ADAMTS17: variants seen among roughly 807,000 people sequenced by gnomAD.
ADAMTS17 encodes ADAM metallopeptidase with thrombospondin type 1 motif 17.
In ADAMTS17, 113 loss-of-function variants were observed where a neutral mutation model predicts 141.5. The ratio of observed to expected loss-of-function variants is 0.80; its 90% CI spans 0.69 to 0.93. The LOEUF is 0.93. Among genes scored for constraint, ADAMTS17 ranks in the 40% least tolerant of loss-of-function variants. The pLI is 0.00. For synonymous variants in ADAMTS17, 768 were observed against 630.6 expected (o/e 1.22, Z -3.27); for missense variants, 1,659 against 1,517.9 (o/e 1.09, Z -1.54).
chr15:99,985,823 G>C (rs975272219), intron 20 of ADAMTS17, among the ~76,000 whole-genome samples: 1 of 152,172 alleles, frequency 6.6e-6, no homozygotes, highest in Admixed American at 6.5e-5. Context: ...AAATTCTAAA[G>C]CAACGGCAAA....
At chr15:100,063,778 C>G in intron 15 of ADAMTS17, 17 of 1,287,976 alleles carry the variant, frequency 1.3e-5, no homozygotes, top group Non-Finnish European at 1.7e-5. Flanking sequence ...ACAAACGACA[C>G]AGAAGTAAAC....
At position 100,053,762 on chromosome 15, in the gene ADAMTS17, G is replaced by A; in HGVS notation, c.2295+135C>T. 3.1e-6 allele frequency: 4 copies of A among 1,280,814 alleles called. No individual in the cohort carries two copies. In the Admixed American group the frequency reaches 6.7e-5, roughly 22 times the overall value. The allele number at this position is 1,280,814 out of a possible 1,614,324, so 79.3% of individuals were successfully genotyped here. ...GAGAGGGGAGAGGACTGAGCAGCAG[G>A]GGACGGCATAAACCCCTGGAAGCCA... is the stretch of plus-strand genomic sequence containing the variant. On this transcript the variant is annotated intron_variant, in intron 16 of 21. Coordinates refer to ENST00000268070, the MANE Select transcript of ADAMTS17 (RefSeq NM_139057.4).
chr15:100,323,813 ATTTATGTGAAT>A (rs1179057881), intron 3 of ADAMTS17, among the ~76,000 whole-genome samples: 1 of 152,162 alleles, frequency 6.6e-6, no homozygotes. Context: ...GCATAAAATC[ATTTATGTGAAT>A]TTTAAAACAT....
chr15:100,205,197 G>A (rs545554065), intron 7 of ADAMTS17, among the ~76,000 whole-genome samples: 9 of 152,240 alleles, frequency 5.9e-5, no homozygotes, highest in African/African-American at 1.9e-4. Context: ...AGAATCACAC[G>A]AGTCCCCACA....
At chr15:100,302,713 G>A (rs2045084414) in intron 3 of ADAMTS17, among the ~76,000 whole-genome samples, 1 of 152,188 alleles carries the variant, frequency 6.6e-6, no homozygotes, top group Admixed American at 6.5e-5. Flanking sequence ...ATCTGCGATG[G>A]TTAATACTGA....
intron 8 of ADAMTS17, among the ~76,000 whole-genome samples, chr15:100,160,037 C>T (rs1017848350): frequency 7.0e-6 from 1 of 142,044 alleles, no homozygotes; most frequent in African/African-American, 2.5e-5. Flanking sequence ...ACTCAGAAAA[C>T]CCGTTTCTCC....
chr15:100,120,510 G>A (rs978162733), intron 12 of ADAMTS17, among the ~76,000 whole-genome samples: 2 of 152,202 alleles, frequency 1.3e-5, no homozygotes, highest in Non-Finnish European at 2.9e-5. Flanking sequence ...TCCACCAGGT[G>A]AAGTGGCTTC....
At chr15:100,019,630 AT>A (rs2061364123) in intron 18 of ADAMTS17, among the ~76,000 whole-genome samples, 1 of 152,224 alleles carries the variant, frequency 6.6e-6, no homozygotes, top group African/African-American at 2.4e-5. Context: ...CACGCCGTTC[AT>A]TTTTAAAAGT....
chr15:100,191,606 C>G (rs755236523), intron 8 of ADAMTS17, among the ~76,000 whole-genome samples: 14 of 152,250 alleles, frequency 9.2e-5, no homozygotes, highest in Admixed American at 2.0e-4. Flanking sequence ...AATGCAGTTT[C>G]TCTGCAACCC....
intron 20 of ADAMTS17, among the ~76,000 whole-genome samples, chr15:99,982,500 TGGGC>T (rs2060501292): frequency 6.6e-6 from 1 of 152,204 alleles, no homozygotes; most frequent in African/African-American, 2.4e-5. Flanking sequence ...TGGGCCATGG[TGGGC>T]GCACGGGGTG....
At chr15:100,264,772 G>A (rs1477420833) in intron 4 of ADAMTS17, among the ~76,000 whole-genome samples, 2 of 152,084 alleles carry the variant, frequency 1.3e-5, no homozygotes, top group African/African-American at 2.4e-5. Flanking sequence ...AAAGGTGAGA[G>A]ATGGAAGGGG....
At chr15:100,071,059 A>G (rs920359045) in intron 15 of ADAMTS17, among the ~76,000 whole-genome samples, 2 of 150,350 alleles carry the variant, frequency 1.3e-5, no homozygotes, top group African/African-American at 2.5e-5. Context: ...GATAAAGCAG[A>G]TATCACCACT....
At chr15:100,203,066 G>A (rs983516096) in intron 7 of ADAMTS17, among the ~76,000 whole-genome samples, 3 of 152,130 alleles carry the variant, frequency 2.0e-5, no homozygotes, top group Non-Finnish European at 2.9e-5. Context: ...TTTATTAGTC[G>A]TGCCTCTAAT....
chr15:99,986,080 G>A (rs971471788), intron 20 of ADAMTS17, among the ~76,000 whole-genome samples: 3 of 152,120 alleles, frequency 2.0e-5, no homozygotes, highest in Non-Finnish European at 4.4e-5. Flanking sequence ...CAGAAATGCC[G>A]GCTGAACTGA....
At chr15:100,021,993 G>T (rs1052059400) in intron 18 of ADAMTS17, among the ~76,000 whole-genome samples, 15 of 152,176 alleles carry the variant, frequency 9.9e-5, no homozygotes, top group African/African-American at 3.4e-4. Context: ...TTCCTGCCAA[G>T]ACTATCCTGA....
chr15:100,017,801 T>A (rs575243098), intron 18 of ADAMTS17, among the ~76,000 whole-genome samples: 1 of 152,368 alleles, frequency 6.6e-6, no homozygotes, highest in South Asian at 2.1e-4. Flanking sequence ...TTGCAGGTTC[T>A]AGATTATCAC....
At chr15:100,047,405 C>T (rs28440071) in intron 18 of ADAMTS17, among the ~76,000 whole-genome samples, 54,017 of 148,220 alleles carry the variant, frequency 0.36, 10,634 homozygotes, top group East Asian at 0.49. Context: ...TTTGAAAATC[C>T]CTAATAAAAA....
chr15:100,249,592 G>T (rs757743921), intron 7 of ADAMTS17, among the ~76,000 whole-genome samples: 11 of 152,186 alleles, frequency 7.2e-5, no homozygotes, highest in Non-Finnish European at 1.5e-4. Flanking sequence ...TGTGATGTCA[G>T]TGGCCTCCCC....
chr15:100,227,717 T>G (rs2141831226), intron 7 of ADAMTS17, among the ~76,000 whole-genome samples: 1 of 152,332 alleles, frequency 6.6e-6, no homozygotes, highest in South Asian at 2.1e-4. Flanking sequence ...AGGCCTTTGC[T>G]TAGATTTCCC....
Sources: allele counts gnomAD v4.1 joint callset (sites outside exome capture counted in the v4.1 genomes callset), GRCh38; gene constraint gnomAD v4.1.1; transcripts MANE v1.5; gene names NCBI Gene and HGNC (gene_info 2026-07-23, HGNC 2026-07-21).